The following PKHD1 variants were observed in gnomAD, a reference collection of about 807,000 sequenced individuals.
PKHD1 encodes the protein fibrocystin.
PKHD1 carries 291 observed loss-of-function variants against 412.0 expected under a neutral mutation model. The observed-to-expected ratio is 0.71, with a 90% confidence interval of 0.64 to 0.78. The LOEUF is 0.78. Among genes scored for constraint, PKHD1 ranks in the 30% least tolerant of loss-of-function variants. PKHD1 has a pLI of 0.00. For synonymous variants in PKHD1, 1,777 were observed against 1,821.5 expected (o/e 0.98, Z 0.62); for missense variants, 4,825 against 4,950.7 (o/e 0.97, Z 0.76).
chr6:51,908,505 C>T (rs1206986723), intron 40 of PKHD1, among the ~76,000 whole-genome samples: 2 of 152,098 alleles, frequency 1.3e-5, no homozygotes, highest in African/African-American at 2.4e-5. Flanking sequence ...GAGCTGCTGT[C>T]CTCCTGACTT....
chr6:51,793,882 T>C (rs1794147041), intron 52 of PKHD1, among the ~76,000 whole-genome samples: 1 of 152,190 alleles, frequency 6.6e-6, no homozygotes, highest in Non-Finnish European at 1.5e-5. Flanking sequence ...CCTTTGGTTG[T>C]ATACCCAGTA....
chr6:51,969,250 C>A lies in PKHD1; in HGVS notation c.5752-9224G>T, dbSNP rs142302583. ...CCAGCAAGAAAATGAAGACCTAAAT[C>A]CTATATTCACAATGAATTGACTTTC... On this transcript the variant is annotated intron_variant, in intron 35 of 66. Coordinates refer to ENST00000371117, the MANE Select transcript of PKHD1 (RefSeq NM_138694.4). 5.3e-3 allele frequency among the ~76,000 whole-genome samples: 814 copies of A among 152,228 alleles called. 6 individuals carry two copies. The highest frequency in any genetic ancestry group is 0.019 in the African/African-American group (783 of 41,538).
intron 63 of PKHD1, among the ~76,000 whole-genome samples, chr6:51,644,273 C>A (rs1464706372): frequency 6.6e-6 from 1 of 151,690 alleles, no homozygotes; most frequent in Non-Finnish European, 1.5e-5. Flanking sequence ...AACTTGGAGA[C>A]TTTATTACAA....
intron 37 of PKHD1, among the ~76,000 whole-genome samples, chr6:51,922,614 G>C (rs1784875052): frequency 6.6e-6 from 1 of 152,190 alleles, no homozygotes; most frequent in Admixed American, 6.5e-5. Flanking sequence ...GAGTTTCCTG[G>C]CCACTTTGTT....
rs767289410 is a variant in PKHD1 at position 51,619,409 on chromosome 6, G to A, written c.11897C>T (p.Ala3966Val). 1 of 1,613,598 alleles carries A rather than the reference G, an allele frequency of 6.2e-7. No individual in the cohort carries two copies. Among genetic ancestry groups the A allele is most frequent in the South Asian group, 1.1e-5 (1 of 91,074 alleles). ...GCCAGTAGTACCAGGAGCAGGCACAGCAGCCTCTTCCTCTCGGACAATGTG... is the reference window on the plus strand; with the variant it reads ...GCCAGTAGTACCAGGAGCAGGCACAACAGCCTCTTCCTCTCGGACAATGTG... ...SRHIVREEEA[A>V]VPAPGTTGIT... The change falls in exon 67 of 67, where the codon GCT (alanine) becomes GTT (valine). Residue 3966 changes from alanine to valine, a missense_variant. Coordinates refer to ENST00000371117, the MANE Select transcript of PKHD1 (RefSeq NM_138694.4).
intron 36 of PKHD1, among the ~76,000 whole-genome samples, chr6:51,936,473 G>A (rs986710410): frequency 6.6e-6 from 1 of 152,218 alleles, no homozygotes; most frequent in African/African-American, 2.4e-5. Flanking sequence ...AAGTTATTGA[G>A]TTGAGTTTTT....
At chr6:52,057,009 T>C (rs1049691335) in intron 16 of PKHD1, 30 bp from the exon 17 acceptor site, 4 of 1,424,050 alleles carry the variant, frequency 2.8e-6, no homozygotes, top group African/African-American at 2.8e-5. Context: ...CAAGACTAAA[T>C]GATGGTGCTA....
chr6:52,044,983 CA>C lies in PKHD1; in HGVS notation c.2697del (p.Ala900ProfsTer11). 1 of 1,613,596 alleles carries C rather than the reference CA, an allele frequency of 6.2e-7. No homozygotes were observed. The highest frequency in any genetic ancestry group is 8.5e-7 in the Non-Finnish European group (1 of 1,179,576). On this transcript the variant is annotated frameshift_variant, in exon 25 of 67. Transcript: ENST00000371117. LOFTEE classifies it high-confidence loss of function. The stretch of plus-strand genomic sequence containing the variant: ...ACTCTCACCTGAGTATGCTGGTTGG[CA>C]GTAGCCAACATGTCTCCAAATATGG... ...LGPIFGDMLA[T>X]ANQHTQVVVR...
chr6:51,942,641 C>T (rs1007786782), intron 36 of PKHD1, among the ~76,000 whole-genome samples: 2 of 151,386 alleles, frequency 1.3e-5, no homozygotes, highest in Non-Finnish European at 3.0e-5. Context: ...CATTCACCCC[C>T]ATTTCTCCAT....
chr6:51,741,218 A>C, intron 60 of PKHD1: 1 of 518,406 alleles, frequency 1.9e-6, no homozygotes, highest in Non-Finnish European at 3.9e-6. Context: ...CTTATGATTA[A>C]ACATGGAGAA....
intron 65 of PKHD1, among the ~76,000 whole-genome samples, chr6:51,630,446 C>A (rs763317464): frequency 6.6e-6 from 1 of 152,114 alleles, no homozygotes; most frequent in Non-Finnish European, 1.5e-5. Context: ...GAAAATACAA[C>A]TTTTTAATTT....
intron 43 of PKHD1, among the ~76,000 whole-genome samples, chr6:51,893,175 T>A (rs1173003362): frequency 1.3e-5 from 2 of 152,204 alleles, no homozygotes; most frequent in East Asian, 3.9e-4. Context: ...CACAGCTCTA[T>A]TTCATTACCA....
At chr6:51,652,326 T>A (rs1771107794) in intron 61 of PKHD1, among the ~76,000 whole-genome samples, 3 of 152,178 alleles carry the variant, frequency 2.0e-5, no homozygotes, top group Admixed American at 2.0e-4. Flanking sequence ...ATGTTTACCC[T>A]GTAGAAGATG....
In PKHD1 at chr6:51,617,843, A is replaced by T. The variant is rs1441070799; in HGVS notation, c.*1238T>A. On this transcript the variant is annotated 3_prime_UTR_variant, in exon 67 of 67. Coordinates refer to ENST00000371117, the MANE Select transcript of PKHD1 (RefSeq NM_138694.4). ...GTGTTTCCTTTCTCTCTTCCAATGC[A>T]ACTACACAACAACCCCTTAACATTG... 6.6e-6 allele frequency: 1 copy of T among 151,982 alleles called. No individual in the cohort carries two copies. The highest frequency in any genetic ancestry group is 2.1e-4 in the South Asian group (1 of 4,810). 9.4% of individuals were successfully genotyped at this position (151,982 alleles called of 1,614,324 possible). A position where few individuals can be genotyped will look rare whatever the true frequency, so the allele number is the denominator to read the frequency against.
At chr6:51,808,438 A>T (rs953461292) in intron 52 of PKHD1, among the ~76,000 whole-genome samples, 4 of 152,092 alleles carry the variant, frequency 2.6e-5, no homozygotes, top group South Asian at 4.1e-4. Flanking sequence ...AAAATCTTTT[A>T]AAAAATTGAA....
chr6:51,846,956 T>A (rs1771274816), intron 50 of PKHD1, among the ~76,000 whole-genome samples: 1 of 152,088 alleles, frequency 6.6e-6, no homozygotes, highest in Non-Finnish European at 1.5e-5. Context: ...TCCATTTTTT[T>A]CTCTTTCTTT....
At chr6:51,935,154 T>A (rs1787269133) in intron 36 of PKHD1, among the ~76,000 whole-genome samples, 1 of 152,174 alleles carries the variant, frequency 6.6e-6, no homozygotes, top group African/African-American at 2.4e-5. Flanking sequence ...ACCTTCCCAA[T>A]ACATTCCATT....
chr6:52,022,582 A>G (rs548393017), intron 33 of PKHD1, among the ~76,000 whole-genome samples: 34 of 152,292 alleles, frequency 2.2e-4, no homozygotes, highest in African/African-American at 7.7e-4. Context: ...TTCATCTAAC[A>G]TTGACATATT....
intron 25 of PKHD1, 131 bp downstream of exon 25, chr6:52,044,835 A>G: frequency 1.1e-6 from 1 of 942,622 alleles, no homozygotes; most frequent in Non-Finnish European, 1.7e-6. Flanking sequence ...GACAGCCATA[A>G]GTACCCCTGT....
Sources: gnomAD v4.1 joint callset for allele counts (sites outside exome capture counted in the v4.1 genomes callset) on GRCh38, gnomAD v4.1.1 for gene constraint, MANE v1.5 for transcripts, NCBI Gene and HGNC (gene_info 2026-07-23, HGNC 2026-07-21) for gene names.